UBN2: variants seen among roughly 807,000 people sequenced by gnomAD.
UBN2 encodes the protein ubinuclein-2.
In UBN2, 35 loss-of-function variants were observed where a neutral mutation model predicts 120.2. The ratio of observed to expected loss-of-function variants is 0.29; its 90% CI spans 0.22 to 0.39. The LOEUF is 0.39. Ranked by LOEUF, UBN2 falls within the 10% of genes least tolerant of loss-of-function variation. The pLI is 1.00. For missense variants in UBN2, 1,693 were observed against 1,663.2 expected (o/e 1.02, Z -0.31); for synonymous variants, 661 against 648.7 (o/e 1.02, Z -0.29).
At chr7:139,256,941 T>C (rs556115288) in intron 3 of UBN2, among the ~76,000 whole-genome samples, 2 of 152,348 alleles carry the variant, frequency 1.3e-5, no homozygotes, top group South Asian at 4.1e-4. Flanking sequence ...ATTACAACTT[T>C]TGTACTTAGC....
chr7:139,298,612 C>A lies in UBN2; in HGVS notation c.*776C>A, dbSNP rs1373299080. ...TCAGAAGCAGGTACTTAACTCTTTT[C>A]TTCAGGTGATTTGTGCATCTAGTAT... On this transcript the variant is annotated 3_prime_UTR_variant, in exon 18 of 18. Coordinates refer to ENST00000473989, the MANE Select transcript of UBN2 (RefSeq NM_173569.4). 3.3e-5 allele frequency: 5 copies of A among 152,018 alleles called. No homozygotes were observed. The East Asian group carries it at 5.8e-4, about 18-fold the overall frequency. The allele number at this position is 152,018 out of a possible 1,614,324, so 9.4% of individuals were successfully genotyped here. A position where few individuals can be genotyped will look rare whatever the true frequency, so the allele number is the denominator to read the frequency against.
intron 14 of UBN2, 139 bp downstream of exon 14, chr7:139,282,194 G>A (rs1277819120): frequency 6.7e-6 from 4 of 594,714 alleles, no homozygotes; most frequent in Non-Finnish European, 1.2e-5. Flanking sequence ...AAAATAAAAT[G>A]AGTCAAATAC....
chr7:139,241,732 C>T (rs1268980545), intron 2 of UBN2, among the ~76,000 whole-genome samples: 3 of 152,158 alleles, frequency 2.0e-5, no homozygotes, highest in African/African-American at 4.8e-5. Context: ...TGAAGCGGCC[C>T]GTGCCTGTAA....
intron 12 of UBN2, among the ~76,000 whole-genome samples, chr7:139,278,242 C>T (rs948636741): frequency 8.2e-5 from 12 of 146,066 alleles, no homozygotes; most frequent in African/African-American, 3.1e-4. Flanking sequence ...AGTTCAGTGG[C>T]ACGATCTCAA....
rs374662768 is a variant in UBN2 at position 139,236,845 on chromosome 7, T to C, written c.469-160T>C. ...CTCTGAGTAATAATATAATTAATTA[T>C]ATAACATGTTATATATTCTCACTAG... On this transcript the variant is annotated intron_variant, in intron 1 of 17. Transcript: ENST00000473989. 4.1e-4 allele frequency among the ~76,000 whole-genome samples: 63 copies of C among 152,126 alleles called. No individual in the cohort carries two copies. In the South Asian group the frequency reaches 4.1e-3, roughly 10 times the overall value.
At chr7:139,240,458 T>A (rs979931021) in intron 2 of UBN2, among the ~76,000 whole-genome samples, 19 of 137,552 alleles carry the variant, frequency 1.4e-4, no homozygotes, top group African/African-American at 4.9e-4. Context: ...ATATATATTT[T>A]TTTTTTTAAA....
At position 139,302,260 on chromosome 7, in the gene UBN2, A is replaced by G. The variant is rs1798276606; in HGVS notation, c.*4424A>G. The stretch of plus-strand genomic sequence containing the variant: ...ATATGGATATATGTGTAAGATACAT[A>G]CATTACATATATATAAAACTAGGAG... On this transcript the variant is annotated 3_prime_UTR_variant, in exon 18 of 18. Coordinates refer to ENST00000473989, the MANE Select transcript of UBN2 (RefSeq NM_173569.4). 12 of 152,238 alleles carry G rather than the reference A, an allele frequency of 7.9e-5. No homozygotes were observed. The highest frequency in any genetic ancestry group is 7.9e-4 in the Admixed American group (12 of 15,284). 9.4% of individuals were successfully genotyped at this position (152,238 alleles called of 1,614,324 possible).
At chr7:139,253,183 G>A (rs1388003031) in intron 3 of UBN2, among the ~76,000 whole-genome samples, 1 of 152,110 alleles carries the variant, frequency 6.6e-6, no homozygotes. Context: ...CCCATTTGAT[G>A]TACATCTAAA....
rs888171634 is a variant in UBN2 at position 139,298,114 on chromosome 7, A to G, written c.*278A>G. ...AGACTTGAAAGAGACTCAGTTGTCA[A>G]ACCCACAGAAATACAAATTTGATTT... On this transcript the variant is annotated 3_prime_UTR_variant, in exon 18 of 18. Coordinates refer to ENST00000473989, the MANE Select transcript of UBN2 (RefSeq NM_173569.4). 6 of 327,356 alleles carry G rather than the reference A, an allele frequency of 1.8e-5. No homozygotes were observed. The highest frequency in any genetic ancestry group is 3.3e-5 in the Non-Finnish European group (6 of 180,338). The allele number at this position is 327,356 out of a possible 1,614,324, so 20.3% of individuals were successfully genotyped here.
intron 2 of UBN2, among the ~76,000 whole-genome samples, chr7:139,241,751 CT>C (rs1796323903): frequency 6.6e-6 from 1 of 152,138 alleles, no homozygotes; most frequent in African/African-American, 2.4e-5. Flanking sequence ...AATCCCAGCA[CT>C]TTGGGAGGCT....
downstream of UBN2, among the ~76,000 whole-genome samples, chr7:139,312,725 GC>G: frequency 6.6e-6 from 1 of 152,224 alleles, no homozygotes; most frequent in East Asian, 1.9e-4. Flanking sequence ...TATTTCCCTA[GC>G]CCTACACCAC....
the UBN2 span, among the ~76,000 whole-genome samples, chr7:139,328,518 A>T: frequency 6.6e-6 from 1 of 152,180 alleles, no homozygotes; most frequent in African/African-American, 2.4e-5. Context: ...CGGACAGAAG[A>T]GCTGCTAGAG....
the UBN2 span, among the ~76,000 whole-genome samples, chr7:139,330,302 G>A: frequency 1.3e-5 from 2 of 152,186 alleles, no homozygotes; most frequent in Non-Finnish European, 2.9e-5. Context: ...TTAAGTGTAT[G>A]AGAAATTCAT....
At chr7:139,252,225 A>C (rs1174746638) in intron 3 of UBN2, among the ~76,000 whole-genome samples, 168 bp downstream of exon 3, 1 of 150,520 alleles carries the variant, frequency 6.6e-6, no homozygotes, top group Non-Finnish European at 1.5e-5. Context: ...TTTAAAGAAT[A>C]CTGCAGACTG....
the UBN2 span, among the ~76,000 whole-genome samples, chr7:139,325,629 C>T: frequency 6.6e-6 from 1 of 152,112 alleles, no homozygotes; most frequent in Non-Finnish European, 1.5e-5. Context: ...TGCATGCACA[C>T]GCATGTATAC....
At chr7:139,250,999 G>A (rs1796610180) in intron 2 of UBN2, among the ~76,000 whole-genome samples, 2 of 151,884 alleles carry the variant, frequency 1.3e-5, no homozygotes, top group African/African-American at 4.8e-5. Flanking sequence ...TCCCACTTAC[G>A]AGGCTGAGGC....
chr7:139,266,430 A>C, intron 7 of UBN2, 27 bp downstream of exon 7: 1 of 1,336,204 alleles, frequency 7.5e-7, no homozygotes. Context: ...AAAAAAAAAA[A>C]CCTTAAGAAT....
intron 15 of UBN2, among the ~76,000 whole-genome samples, chr7:139,289,034 C>T (rs934161885): frequency 2.0e-5 from 3 of 151,106 alleles, no homozygotes; most frequent in East Asian, 3.9e-4. Context: ...ATGCCCACTA[C>T]GGGAAGAGCA....
intron 17 of UBN2, among the ~76,000 whole-genome samples, chr7:139,295,762 A>G (rs1798092588): frequency 6.6e-6 from 1 of 152,190 alleles, no homozygotes; most frequent in Admixed American, 6.5e-5. Flanking sequence ...TCTACAAAAA[A>G]TACAGAAAAT....
Sources: allele counts gnomAD v4.1 joint callset (sites outside exome capture counted in the v4.1 genomes callset), GRCh38; gene constraint gnomAD v4.1.1; transcripts MANE v1.5; gene names NCBI Gene and HGNC (gene_info 2026-07-23, HGNC 2026-07-21).